Variants in FBXW8 observed in about 807,000 individuals in gnomAD.
FBXW8 encodes F-box/WD repeat-containing protein 8.
A neutral mutation model predicts 65.3 loss-of-function variants in FBXW8; 57 were observed. The observed-to-expected ratio is 0.87, with a 90% CI of 0.71 to 1.09. The LOEUF (loss-of-function observed/expected upper bound fraction) is 1.09. Among genes scored for constraint, FBXW8 ranks in the 50% least tolerant of loss-of-function variants. The pLI, the probability that FBXW8 is intolerant of heterozygous loss-of-function variation, is 0.00. For synonymous variants in FBXW8, 308 were observed against 330.2 expected (o/e 0.93, Z 0.73); for missense variants, 777 against 814.8 (o/e 0.95, Z 0.57).
chr12:116,965,011 A>G (rs1376041311), intron 5 of FBXW8, among the ~76,000 whole-genome samples, 157 bp downstream of exon 5: 1 of 152,224 alleles, frequency 6.6e-6, no homozygotes, highest in African/African-American at 2.4e-5. Flanking sequence ...TTATTTGAAG[A>G]AGTTGGCCAA....
At chr12:116,976,249 A>T (rs1209543042) in intron 5 of FBXW8, among the ~76,000 whole-genome samples, 1 of 152,016 alleles carries the variant, frequency 6.6e-6, no homozygotes, top group Non-Finnish European at 1.5e-5. Context: ...TGTCTGGCTG[A>T]CTTGGAGGCC....
chr12:116,931,086 T>C (rs1477111335), intron 2 of FBXW8, among the ~76,000 whole-genome samples: 1 of 152,230 alleles, frequency 6.6e-6, no homozygotes, highest in Non-Finnish European at 1.5e-5. Flanking sequence ...TGGGATCTAA[T>C]TTCATTCTTC....
chr12:116,977,471 T>A (rs1592913168), intron 5 of FBXW8: 2 of 152,142 alleles, frequency 1.3e-5, no homozygotes, highest in African/African-American at 4.8e-5. Context: ...TGTGAAAAAT[T>A]CAAAATACAC....
chr12:116,982,338 G>A (rs1477346704), intron 5 of FBXW8, among the ~76,000 whole-genome samples: 2 of 152,184 alleles, frequency 1.3e-5, no homozygotes, highest in Admixed American at 6.5e-5. Flanking sequence ...GAAAACTGGC[G>A]TGGCCATGCA....
intron 7 of FBXW8, 145 bp downstream of exon 7, chr12:116,989,014 A>G: frequency 2.8e-6 from 2 of 716,212 alleles, no homozygotes; most frequent in South Asian, 4.1e-5. Context: ...AAGAACTTCA[A>G]AAGGATTGCA....
chr12:117,026,683 C>T (rs887002009), intron 9 of FBXW8, among the ~76,000 whole-genome samples: 2 of 152,200 alleles, frequency 1.3e-5, no homozygotes, highest in Non-Finnish European at 1.5e-5. Flanking sequence ...TAACATCGCT[C>T]GTGCTACAGA....
At chr12:116,960,408 G>C (rs1215047932) in intron 4 of FBXW8, among the ~76,000 whole-genome samples, 1 of 152,178 alleles carries the variant, frequency 6.6e-6, no homozygotes, top group Non-Finnish European at 1.5e-5. Flanking sequence ...AGGAGACGTA[G>C]AGGCTTTTAT....
chr12:116,940,715 A>G (rs1003828210), intron 2 of FBXW8, among the ~76,000 whole-genome samples: 4 of 152,154 alleles, frequency 2.6e-5, no homozygotes, highest in African/African-American at 9.7e-5. Flanking sequence ...TATTTAATAA[A>G]TTAAACAGAC....
At chr12:117,023,480 T>C (rs938899768) in intron 8 of FBXW8, among the ~76,000 whole-genome samples, 2 of 152,258 alleles carry the variant, frequency 1.3e-5, no homozygotes, top group Admixed American at 1.3e-4. Flanking sequence ...TCCCATTATC[T>C]AATTTATCCT....
intron 2 of FBXW8, among the ~76,000 whole-genome samples, chr12:116,937,601 A>G (rs1882255218): frequency 6.6e-6 from 1 of 152,154 alleles, no homozygotes; most frequent in Non-Finnish European, 1.5e-5. Flanking sequence ...GGGTTTTGCA[A>G]GTTGGAGGTC....
chr12:117,012,594 T>TC, intron 8 of FBXW8, among the ~76,000 whole-genome samples: 1 of 152,312 alleles, frequency 6.6e-6, no homozygotes, highest in East Asian at 1.9e-4. Context: ...TTACATTTTT[T>TC]CCCCGGAGGT....
At chr12:116,918,472 AG>A (rs1880617884) in intron 1 of FBXW8, among the ~76,000 whole-genome samples, 1 of 152,188 alleles carries the variant, frequency 6.6e-6, no homozygotes, top group Non-Finnish European at 1.5e-5. Flanking sequence ...TGCTTACCTA[AG>A]GTAAGTAGGA....
chr12:116,996,341 G>A (rs919676137), intron 7 of FBXW8, among the ~76,000 whole-genome samples: 4 of 152,090 alleles, frequency 2.6e-5, no homozygotes, highest in Admixed American at 1.3e-4. Flanking sequence ...ATACACGGAC[G>A]TGAAGAGACT....
chr12:117,024,858 G>T (rs577819220), intron 9 of FBXW8, among the ~76,000 whole-genome samples: 1 of 152,176 alleles, frequency 6.6e-6, no homozygotes, highest in African/African-American at 2.4e-5. Context: ...GACTGAAGGG[G>T]TTCAGGCTCC....
At chr12:116,986,013 T>A (rs2135670771) in intron 6 of FBXW8, 1 of 152,370 alleles carries the variant, frequency 6.6e-6, no homozygotes, top group South Asian at 2.1e-4. Flanking sequence ...ACCTCTAGAT[T>A]TGTAGAGTGG....
chr12:117,011,127 C>CTTTTTTTTTTTTT (rs397946872), intron 8 of FBXW8, among the ~76,000 whole-genome samples: 2 of 122,174 alleles, frequency 1.6e-5, no homozygotes, highest in African/African-American at 7.2e-5. Context: ...TTTTCTTTTC[C>CTTTTTTTTTTTTT]TTTTTTTTTT....
chr12:116,957,181 T>C (rs1400731243), intron 4 of FBXW8, among the ~76,000 whole-genome samples: 1 of 151,908 alleles, frequency 6.6e-6, no homozygotes, highest in Non-Finnish European at 1.5e-5. Flanking sequence ...ACCCCTTCTC[T>C]ACCAAAAATA....
Position 116,988,680 on chromosome 12 carries a change from A to C in FBXW8, c.1050A>C (p.Ile350=). The change falls in exon 7 of 11, where the codon ATA becomes ATC. Residue 350 remains isoleucine, a synonymous_variant. Coordinates refer to ENST00000652555, the MANE Select transcript of FBXW8 (RefSeq NM_153348.3). ...EVPKLVQYLE[I]VPETRRYPVA... ...TTTAACAGGTTCAGTACCTTGAAAT[A>C]GTTCCAGAAACCAGAAGGTACCCTG... 6.2e-7 allele frequency: 1 copy of C among 1,614,192 alleles called. No individual in the cohort carries two copies. The highest frequency in any genetic ancestry group is 8.5e-7 in the Non-Finnish European group (1 of 1,180,040).
chr12:116,967,537 G>A (rs909195318), intron 5 of FBXW8, among the ~76,000 whole-genome samples: 2 of 152,204 alleles, frequency 1.3e-5, no homozygotes, highest in Non-Finnish European at 2.9e-5. Flanking sequence ...ATGTGAGAGT[G>A]ACTGACAGGT....
Sources: gnomAD v4.1 joint callset for allele counts (sites outside exome capture counted in the v4.1 genomes callset) on GRCh38, gnomAD v4.1.1 for gene constraint, MANE v1.5 for transcripts, NCBI Gene and HGNC (gene_info 2026-07-23, HGNC 2026-07-21) for gene names.